Variants in NDST4 observed in about 807,000 individuals in gnomAD.
The protein encoded by NDST4 is N-deacetylase and N-sulfotransferase 4.
NDST4 carries 63 observed loss-of-function variants against 100.8 expected under a neutral mutation model. The observed-to-expected ratio is 0.62, with a 90% CI of 0.51 to 0.77. The LOEUF (loss-of-function observed/expected upper bound fraction) is 0.77, where lower values mean the gene tolerates loss of function less well. Ranked by LOEUF, NDST4 falls within the 30% of genes least tolerant of loss-of-function variation. The pLI is 0.00. For missense variants in NDST4, 943 were observed against 1,018.4 expected, an observed-to-expected ratio of 0.93 and a Z score of 1.01; for synonymous variants, 377 against 361.8, an observed-to-expected ratio of 1.04 and a Z score of -0.48.
At chr4:114,844,282 GT>G (rs2126185373) in intron 10 of NDST4, among the ~76,000 whole-genome samples, 1 of 152,208 alleles carries the variant, frequency 6.6e-6, no homozygotes, top group African/African-American at 2.4e-5. Context: ...GTGATGTATT[GT>G]AAAAGAAAAT....
rs76047940 is a variant in NDST4, at chr4:114,971,296, T to C, written c.1067-712A>G. ...GTTTATAATATGTGTGACTTGAGAA[T>C]TTAAAACTAGTATCACTTTCTCTTC... On this transcript the variant is annotated intron_variant, in intron 3 of 13. Transcript: ENST00000264363. Among the ~76,000 whole-genome samples, 794 of 152,200 alleles carry C rather than the reference T, an allele frequency of 5.2e-3. 13 individuals carry two copies. The highest frequency in any genetic ancestry group is 0.018 in the African/African-American group (752 of 41,574).
chr4:115,078,033 G>A (rs949641431), intron 1 of NDST4, among the ~76,000 whole-genome samples: 1 of 152,048 alleles, frequency 6.6e-6, no homozygotes, highest in East Asian at 1.9e-4. Flanking sequence ...TTTTATCCAA[G>A]AATCAGATGT....
At chr4:114,903,556 T>C (rs956128843) in intron 6 of NDST4, among the ~76,000 whole-genome samples, 4 of 152,006 alleles carry the variant, frequency 2.6e-5, no homozygotes, top group African/African-American at 9.7e-5. Context: ...CAGTAAGTTG[T>C]AATTATTTGT....
chr4:115,024,657 GA>G (rs1727941648), intron 2 of NDST4, among the ~76,000 whole-genome samples: 2 of 152,112 alleles, frequency 1.3e-5, no homozygotes, highest in Non-Finnish European at 2.9e-5. Context: ...TGATTCAGAT[GA>G]GACTCTACTT....
chr4:115,057,702 G>GCACA (rs59805768), intron 2 of NDST4, among the ~76,000 whole-genome samples: 4,562 of 147,210 alleles, frequency 0.031, 218 homozygotes, highest in East Asian at 0.12. Flanking sequence ...GCGTGCGCAC[G>GCACA]CACACACACA....
At chr4:115,084,440 A>T (rs1729367855) in intron 1 of NDST4, among the ~76,000 whole-genome samples, 1 of 152,240 alleles carries the variant, frequency 6.6e-6, no homozygotes. Flanking sequence ...AAGGAGCAGA[A>T]TGTTAATCAC....
intron 2 of NDST4, among the ~76,000 whole-genome samples, chr4:115,020,458 T>C (rs1304970082): frequency 6.6e-6 from 1 of 152,074 alleles, no homozygotes; most frequent in East Asian, 1.9e-4. Context: ...CTACTTTAAA[T>C]CACACATAGG....
At chr4:115,048,862 C>T (rs189409195) in intron 2 of NDST4, among the ~76,000 whole-genome samples, 2 of 152,024 alleles carry the variant, frequency 1.3e-5, no homozygotes, top group Admixed American at 1.3e-4. Flanking sequence ...TGGTCTTGAA[C>T]TCCTGCCCTC....
chr4:114,833,606 G>A lies in NDST4; in HGVS notation c.2396C>T (p.Thr799Met). 4.4e-6 allele frequency: 7 copies of A among 1,585,114 alleles called. No homozygotes were observed. The highest frequency in any genetic ancestry group is 2.7e-5 in the African/African-American group (2 of 74,470). Reference protein sequence around the residue: ...TPRYNYSEALTFDPQKGFWCQ... With the variant: ...TPRYNYSEALMFDPQKGFWCQ... ...AAATCAAGCATGACAATAGACTCAC[G>A]TTAGTGCTTCAGAGTAATTATAACG... The change falls in exon 12 of 14, where the codon ACG (threonine) becomes ATG (methionine). Residue 799 changes from threonine (T) to methionine (M), a missense_variant and splice_region_variant. By Grantham distance (81) the Thr-to-Met change is moderately conservative. Around this residue, in one of 2 missense-constraint regions of NDST4, gnomAD observed 526 missense variants for 634.1 expected, o/e 0.83. Transcript: ENST00000264363.
intron 6 of NDST4, among the ~76,000 whole-genome samples, chr4:114,912,842 T>G (rs1048625761): frequency 2.6e-5 from 4 of 152,126 alleles, no homozygotes; most frequent in Non-Finnish European, 5.9e-5. Flanking sequence ...GTTTTTACTT[T>G]TTATATATAT....
chr4:114,947,456 C>T (rs948239245), intron 4 of NDST4, among the ~76,000 whole-genome samples: 8 of 152,144 alleles, frequency 5.3e-5, no homozygotes, highest in Non-Finnish European at 1.0e-4. Context: ...CCCTTAATTG[C>T]AGGACTGTGT....
intron 10 of NDST4, among the ~76,000 whole-genome samples, chr4:114,839,931 T>A (rs72893305): frequency 0.11 from 16,552 of 152,152 alleles, 947 homozygotes; most frequent in Middle Eastern, 0.15. Context: ...AAGACTGAGA[T>A]GATGTCAGAG....
At chr4:115,013,086 G>T (rs1050961781) in intron 2 of NDST4, among the ~76,000 whole-genome samples, 1 of 151,048 alleles carries the variant, frequency 6.6e-6, no homozygotes, top group Admixed American at 6.6e-5. Flanking sequence ...TAGGGGGAAA[G>T]TGGGGATGCT....
chr4:115,110,217 C>T (rs937338014), intron 1 of NDST4, among the ~76,000 whole-genome samples: 1 of 151,862 alleles, frequency 6.6e-6, no homozygotes, highest in Non-Finnish European at 1.5e-5. Flanking sequence ...GCAAATAACA[C>T]CTCTAACTTC....
At chr4:115,011,476 C>A (rs1203901628) in intron 2 of NDST4, among the ~76,000 whole-genome samples, 1 of 148,216 alleles carries the variant, frequency 6.7e-6, no homozygotes, top group East Asian at 2.0e-4. Context: ...TTTTTTTTTT[C>A]CTGCAATCTC....
intron 2 of NDST4, among the ~76,000 whole-genome samples, chr4:115,068,794 C>T (rs982519153): frequency 7.6e-6 from 1 of 131,254 alleles, no homozygotes; most frequent in Non-Finnish European, 1.6e-5. Flanking sequence ...CCAGCTTGGG[C>T]ATCAGAGCGA....
intron 6 of NDST4, among the ~76,000 whole-genome samples, chr4:114,901,115 T>C (rs1724828765): frequency 1.3e-5 from 2 of 151,972 alleles, no homozygotes; most frequent in African/African-American, 4.8e-5. Flanking sequence ...GACGGTGTAT[T>C]ATGCTGTTGT....
At chr4:114,950,683 T>C (rs1163489773) in intron 4 of NDST4, among the ~76,000 whole-genome samples, 2 of 152,088 alleles carry the variant, frequency 1.3e-5, no homozygotes, top group African/African-American at 4.8e-5. Context: ...TAATTGGGCA[T>C]AGTCTTGTGC....
intron 7 of NDST4, among the ~76,000 whole-genome samples, chr4:114,868,670 G>T (rs1201717789): frequency 6.6e-6 from 1 of 151,704 alleles, no homozygotes. Context: ...TAAAATTTCA[G>T]TGAAAAGTAA....
Sources: gnomAD v4.1 joint callset for allele counts (sites outside exome capture counted in the v4.1 genomes callset) on GRCh38, gnomAD v4.1.1 for gene constraint, gnomAD v4.1.1 regional missense constraint, MANE v1.5 for transcripts, NCBI Gene and HGNC (gene_info 2026-07-23, HGNC 2026-07-21) for gene names.